UGGT1: variants seen among roughly 807,000 people sequenced by gnomAD.
UGGT1 encodes UDP-glucose:glycoprotein glucosyltransferase 1.
A neutral mutation model predicts 203.9 loss-of-function variants in UGGT1; 107 were observed. The ratio of observed to expected loss-of-function variants is 0.52; its 90% CI spans 0.45 to 0.62. The LOEUF (loss-of-function observed/expected upper bound fraction) is 0.62, where lower values mean the gene tolerates loss of function less well. Ranked by LOEUF, UGGT1 falls within the 20% of genes least tolerant of loss-of-function variation. The pLI, the probability that UGGT1 is intolerant of heterozygous loss-of-function variation, is 0.00. For missense variants in UGGT1, 1,673 were observed against 1,867.2 expected, an observed-to-expected ratio of 0.90 and a Z score of 1.92; for synonymous variants, 628 against 653.5, an observed-to-expected ratio of 0.96 and a Z score of 0.59.
Position 128,120,361 on chromosome 2 carries a change from T to G in UGGT1, c.878T>G (p.Leu293Arg). 2 of 1,613,374 alleles carry G rather than the reference T, an allele frequency of 1.2e-6. No homozygotes were observed. The highest frequency in any genetic ancestry group is 1.7e-6 in the Non-Finnish European group (2 of 1,179,806). The change falls in exon 9 of 41, where the codon CTG becomes CGG. Residue 293 changes from leucine to arginine, a missense_variant. Physicochemically the swap from Leu to Arg is moderately radical, Grantham distance 102. Transcript: ENST00000259253. ...GATTTTTATGTTTCTTTTAGAGATC[T>G]GCACCCCGACCTGGAGGGACAGTTG... ...QGFLFGKLRDLHPDLEGQLKE... is the reference protein window; with the variant it reads ...QGFLFGKLRDRHPDLEGQLKE...
Position 128,157,341 on chromosome 2 carries a change from CATCAGGCAAGT to C in UGGT1, c.2354_2355+9del. The C allele has an allele frequency of 6.2e-7, 1 of 1,613,544 alleles. No homozygotes were observed. The highest frequency in any genetic ancestry group is 8.5e-7 in the Non-Finnish European group (1 of 1,179,526). The stretch of plus-strand genomic sequence containing the variant: ...GCAGTTACTGTATGATGCCATCAAA[CATCAGGCAAGT>C]ATCTATGACTTCATTTTATATTTTT... On this transcript the variant is annotated splice_donor_variant and splice_donor_5th_base_variant and coding_sequence_variant and intron_variant, in exon 22 of 41. Coordinates refer to ENST00000259253, the MANE Select transcript of UGGT1 (RefSeq NM_020120.4). LOFTEE classifies it high-confidence loss of function.
Position 128,189,769 on chromosome 2 carries a change from C to G in UGGT1, c.*27C>G, listed in dbSNP as rs1398891806. 7 of 1,611,238 alleles carry G rather than the reference C, an allele frequency of 4.3e-6. No homozygotes were observed. The highest frequency in any genetic ancestry group is 5.9e-6 in the Non-Finnish European group (7 of 1,178,300). ...CTCTGGAGAAGGACAGGAAATCACC[C>G]CATTTGAAAAACAGTTTTTATAATA... On this transcript the variant is annotated 3_prime_UTR_variant, in exon 41 of 41. Coordinates refer to ENST00000259253, the MANE Select transcript of UGGT1 (RefSeq NM_020120.4).
intron 6 of UGGT1, 152 bp downstream of exon 6, chr2:128,113,410 G>A: frequency 1.6e-6 from 1 of 639,412 alleles, no homozygotes; most frequent in Non-Finnish European, 2.4e-6. Flanking sequence ...TCTATTATTT[G>A]CACATATGAT....
intron 1 of UGGT1, among the ~76,000 whole-genome samples, chr2:128,092,965 T>A (rs563865821): frequency 5.9e-5 from 9 of 152,324 alleles, no homozygotes; most frequent in Non-Finnish European, 1.0e-4. Flanking sequence ...TAAGCAACAT[T>A]TAAGAACCCC....
chr2:128,156,018 G>A (rs1182142479), intron 20 of UGGT1, among the ~76,000 whole-genome samples: 1 of 152,178 alleles, frequency 6.6e-6, no homozygotes, highest in East Asian at 1.9e-4. Context: ...TATTTATTTA[G>A]GCTAAGATTG....
At chr2:128,128,986 G>T in intron 12 of UGGT1, 43 bp from the exon 13 acceptor site, 3 of 1,476,854 alleles carry the variant, frequency 2.0e-6, no homozygotes, top group South Asian at 2.8e-5. Flanking sequence ...TTTTTTAAAA[G>T]CTTTTTTTCC....
intron 4 of UGGT1, among the ~76,000 whole-genome samples, chr2:128,108,339 C>A (rs1687698127): frequency 6.6e-6 from 1 of 152,086 alleles, no homozygotes; most frequent in Non-Finnish European, 1.5e-5. Context: ...TCTTGTTAAA[C>A]CAATGAGCCA....
At chr2:128,097,403 A>G in intron 1 of UGGT1, 26 bp from the exon 2 acceptor site, 1 of 1,585,930 alleles carries the variant, frequency 6.3e-7, no homozygotes, top group Non-Finnish European at 8.5e-7. Flanking sequence ...CTTGTAGCAA[A>G]ACTTCTTTTC....
intron 1 of UGGT1, among the ~76,000 whole-genome samples, chr2:128,092,520 T>G (rs988291667): frequency 1.3e-5 from 2 of 151,614 alleles, no homozygotes; most frequent in African/African-American, 4.8e-5. Flanking sequence ...AGAACTTTCC[T>G]GCAGCTGTCT....
intron 13 of UGGT1, 94 bp downstream of exon 13, chr2:128,129,273 A>T: frequency 7.2e-7 from 1 of 1,390,884 alleles, no homozygotes; most frequent in South Asian, 1.5e-5. Context: ...AGTTACTCCC[A>T]CCATCTCTTT....
intron 7 of UGGT1, 56 bp from the exon 8 acceptor site, chr2:128,116,208 GT>G: frequency 8.5e-7 from 1 of 1,182,926 alleles, no homozygotes. Flanking sequence ...GACTAGTAAC[GT>G]TTTTGTTTCA....
chr2:128,121,143 C>T, intron 9 of UGGT1, 56 bp from the exon 10 acceptor site: 2 of 1,555,108 alleles, frequency 1.3e-6, no homozygotes, highest in Admixed American at 3.4e-5. Flanking sequence ...ATTTTGTTTT[C>T]TGCTTCTCAT....
At position 128,145,913 on chromosome 2, in the gene UGGT1, C is replaced by T; in HGVS notation, c.1962C>T (p.Ile654=). The T allele has an allele frequency of 6.2e-7, 1 of 1,614,120 alleles. No individual in the cohort carries two copies. Among genetic ancestry groups the T allele is most frequent in the Non-Finnish European group, 8.5e-7 (1 of 1,180,010 alleles). The change falls in exon 18 of 41, where the codon ATC becomes ATT. Residue 654 remains isoleucine (I), a synonymous_variant. Coordinates refer to ENST00000259253, the MANE Select transcript of UGGT1 (RefSeq NM_020120.4). The stretch of plus-strand genomic sequence containing the variant: ...TAGACCCTGATGAGTTAGAAACCAT[C>T]ACAATGCATAAAATCCTGGAGACCA... The part of the protein sequence containing the change: ...EQLDPDELET[I]TMHKILETTT...
chr2:128,174,400 G>A (rs1357976992), intron 30 of UGGT1, among the ~76,000 whole-genome samples: 4 of 149,974 alleles, frequency 2.7e-5, no homozygotes, highest in African/African-American at 9.8e-5. Flanking sequence ...CCAGGTTCAA[G>A]CAATTCTCCT....
In UGGT1 at chr2:128,126,163, C is replaced by T. The variant is rs138989754; in HGVS notation, c.1135-1198C>T. Among the ~76,000 whole-genome samples, 754 of 151,446 alleles carry T rather than the reference C, an allele frequency of 5.0e-3. 8 individuals are homozygous for T. Among genetic ancestry groups the T allele is most frequent in the African/African-American group, 0.017 (710 of 41,240 alleles). ...TTCACCATGTTGGCCAGGATGATCT[C>T]GATCTCCTGACCTCATGATCTGCCT... On this transcript the variant is annotated intron_variant, in intron 11 of 40. Coordinates refer to ENST00000259253, the MANE Select transcript of UGGT1 (RefSeq NM_020120.4).
intron 39 of UGGT1, among the ~76,000 whole-genome samples, 179 bp downstream of exon 39, chr2:128,186,978 A>G (rs1178610980): frequency 1.3e-5 from 2 of 152,200 alleles, no homozygotes; most frequent in Non-Finnish European, 2.9e-5. Flanking sequence ...TCTTATAAAT[A>G]TTCTTATCTT....
chr2:128,170,379 C>T lies in UGGT1; in HGVS notation c.3013C>T (p.Pro1005Ser). 1.2e-6 allele frequency: 2 copies of T among 1,613,964 alleles called. No homozygotes were observed. Among genetic ancestry groups the T allele is most frequent in the Non-Finnish European group, 1.7e-6 (2 of 1,179,836 alleles). The change falls in exon 27 of 41, where the codon CCT becomes TCT. Residue 1005 changes from proline to serine, a missense_variant. By Grantham distance (74) the Pro-to-Ser change is moderately conservative. Coordinates refer to ENST00000259253, the MANE Select transcript of UGGT1 (RefSeq NM_020120.4). The part of the protein sequence containing the change: ...PVTREAQRLA[P>S]LLLVLAQLIN... ...CACCAGAGAAGCACAGAGACTTGCTCCTTTGCTCTTGGTAGGAACGCTGTG... is the reference window on the plus strand; with the variant it reads ...CACCAGAGAAGCACAGAGACTTGCTTCTTTGCTCTTGGTAGGAACGCTGTG...
chr2:128,150,178 T>C (rs951129086), intron 18 of UGGT1, among the ~76,000 whole-genome samples: 1 of 152,124 alleles, frequency 6.6e-6, no homozygotes, highest in Non-Finnish European at 1.5e-5. Flanking sequence ...GGCTGACGCC[T>C]GTAATACAAC....
intron 5 of UGGT1, among the ~76,000 whole-genome samples, chr2:128,110,935 T>C (rs1197098635): frequency 6.6e-6 from 1 of 152,212 alleles, no homozygotes; most frequent in Non-Finnish European, 1.5e-5. Context: ...TACTTTCTGC[T>C]GAGTTGTATA....
Sources: gnomAD v4.1 joint callset for allele counts (sites outside exome capture counted in the v4.1 genomes callset) on GRCh38, gnomAD v4.1.1 for gene constraint, MANE v1.5 for transcripts, NCBI Gene and HGNC (gene_info 2026-07-23, HGNC 2026-07-21) for gene names.